Variants in CACNA2D1 observed in about 807,000 individuals in gnomAD.
CACNA2D1 encodes the protein voltage-dependent calcium channel subunit alpha-2/delta-1.
Under a neutral mutation model 171.5 loss-of-function variants are expected in CACNA2D1, and 53 were observed. That is an observed-to-expected ratio of 0.31 (90% confidence interval 0.25 to 0.39). The LOEUF is 0.39. Ranked by LOEUF, CACNA2D1 falls within the 10% of genes least tolerant of loss-of-function variation. The pLI is 1.00. For synonymous variants in CACNA2D1, 442 were observed against 443.1 expected, an observed-to-expected ratio of 1.00 and a Z score of 0.03; for missense variants, 903 against 1,299.8, an observed-to-expected ratio of 0.69 and a Z score of 4.69.
At chr7:82,174,328 C>T (rs570724081) in intron 3 of CACNA2D1, among the ~76,000 whole-genome samples, 52 of 151,842 alleles carry the variant, frequency 3.4e-4, no homozygotes, top group African/African-American at 7.5e-4. Flanking sequence ...GCTAATATTA[C>T]GATATTCAGC....
At chr7:82,390,119 T>C (rs1367092987) in intron 1 of CACNA2D1, among the ~76,000 whole-genome samples, 1 of 152,144 alleles carries the variant, frequency 6.6e-6, no homozygotes, top group African/African-American at 2.4e-5. Context: ...GTGTGGCTCA[T>C]TTGAATGACA....
intron 12 of CACNA2D1, among the ~76,000 whole-genome samples, chr7:82,022,891 C>G (rs1801411235): frequency 1.3e-5 from 2 of 151,628 alleles, no homozygotes; most frequent in Admixed American, 1.3e-4. Context: ...GCTTTTTTCT[C>G]ATTTGTTCTC....
chr7:82,082,378 C>G (rs1809907513), intron 7 of CACNA2D1, among the ~76,000 whole-genome samples: 1 of 152,096 alleles, frequency 6.6e-6, no homozygotes, highest in Non-Finnish European at 1.5e-5. Flanking sequence ...ATGTATGGGT[C>G]ATCCCTCTAC....
intron 1 of CACNA2D1, among the ~76,000 whole-genome samples, chr7:82,403,785 A>G (rs1264996497): frequency 1.3e-5 from 2 of 152,126 alleles, no homozygotes; most frequent in African/African-American, 2.4e-5. Flanking sequence ...GTCCTCCTCA[A>G]TCTCCTTCCA....
chr7:82,039,675 C>T (rs1443061477), intron 10 of CACNA2D1, among the ~76,000 whole-genome samples: 1 of 152,118 alleles, frequency 6.6e-6, no homozygotes, highest in African/African-American at 2.4e-5. Flanking sequence ...GGACTGCAAA[C>T]ATTTGAAAGA....
At chr7:82,269,090 G>A (rs984959270) in intron 3 of CACNA2D1, among the ~76,000 whole-genome samples, 11 of 145,592 alleles carry the variant, frequency 7.6e-5, no homozygotes, top group East Asian at 4.2e-4. Flanking sequence ...CTTCAGCGAC[G>A]CAACAAGACC....
At chr7:82,283,649 C>T (rs1447133532) in intron 3 of CACNA2D1, among the ~76,000 whole-genome samples, 4 of 150,198 alleles carry the variant, frequency 2.7e-5, no homozygotes, top group East Asian at 4.0e-4. Context: ...TATATACTAA[C>T]AATCACCATA....
intron 4 of CACNA2D1, among the ~76,000 whole-genome samples, chr7:82,140,970 G>GAAAAAAAAAAAAAAA (rs1007160020): frequency 1.1e-5 from 1 of 92,912 alleles, no homozygotes; most frequent in Non-Finnish European, 2.5e-5. Context: ...AAAAAAAAAA[G>GAAAAAAAAAAAAAAA]AAAAAAAAAT....
intron 3 of CACNA2D1, among the ~76,000 whole-genome samples, chr7:82,332,317 A>C (rs1585530123): frequency 6.6e-6 from 1 of 152,068 alleles, no homozygotes; most frequent in South Asian, 2.1e-4. Context: ...CGGCCTCCCA[A>C]AGTGCTGAGA....
chr7:81,969,874 T>C lies in CACNA2D1; in HGVS notation c.2308+7A>G. On this transcript the variant is annotated splice_region_variant and intron_variant, in intron 28 of 38. Coordinates refer to ENST00000356860, the MANE Select transcript of CACNA2D1 (RefSeq NM_000722.4). ...TGAGAAAAGCTGAATTCCAAAGCAA[T>C]ACTTACTGTTAAAGTAGGGAGCAGT... 6.8e-7 allele frequency: 1 copy of C among 1,476,978 alleles called. No homozygotes were observed. The highest frequency in any genetic ancestry group is 9.5e-7 in the Non-Finnish European group (1 of 1,056,312). The allele number at this position is 1,476,978 out of a possible 1,614,324, so 91.5% of individuals were successfully genotyped here.
intron 11 of CACNA2D1, 70 bp from the exon 12 acceptor site, chr7:82,032,971 GGAAC>G (rs1483465663): frequency 2.3e-6 from 2 of 869,080 alleles, no homozygotes; most frequent in African/African-American, 3.3e-5. Flanking sequence ...AAAGCTATAT[GGAAC>G]GAGCATGAGC....
At chr7:82,430,582 A>C (rs183683330) in intron 1 of CACNA2D1, among the ~76,000 whole-genome samples, 216 of 152,294 alleles carry the variant, frequency 1.4e-3, no homozygotes, top group Non-Finnish European at 2.1e-3. Flanking sequence ...ATTTTATTTC[A>C]GTGTTTGATT....
At chr7:82,256,618 A>G (rs1172074892) in intron 3 of CACNA2D1, among the ~76,000 whole-genome samples, 1 of 152,198 alleles carries the variant, frequency 6.6e-6, no homozygotes, top group Non-Finnish European at 1.5e-5. Context: ...ATGGTAATAC[A>G]GAATTATGAG....
chr7:82,381,773 G>C (rs1007369438), intron 1 of CACNA2D1, among the ~76,000 whole-genome samples: 5 of 151,952 alleles, frequency 3.3e-5, no homozygotes, highest in African/African-American at 9.7e-5. Flanking sequence ...TCTTACTTTG[G>C]CTGGTAGAAA....
At chr7:82,351,564 C>G (rs190081056) in intron 1 of CACNA2D1, among the ~76,000 whole-genome samples, 1 of 151,832 alleles carries the variant, frequency 6.6e-6, no homozygotes, top group Non-Finnish European at 1.5e-5. Flanking sequence ...TTGAACCACG[C>G]TGTATGAACA....
intron 3 of CACNA2D1, among the ~76,000 whole-genome samples, chr7:82,178,958 T>G (rs1243969027): frequency 6.6e-6 from 1 of 152,104 alleles, no homozygotes; most frequent in Non-Finnish European, 1.5e-5. Context: ...TCCAAGCATT[T>G]TCAAGGTTGT....
chr7:82,128,295 T>C (rs1009373443), intron 5 of CACNA2D1, among the ~76,000 whole-genome samples: 1 of 152,152 alleles, frequency 6.6e-6, no homozygotes, highest in Non-Finnish European at 1.5e-5. Flanking sequence ...AATTTTTATA[T>C]TATACAATCG....
rs1829963716 is a variant in CACNA2D1 at position 82,434,568 on chromosome 7, T to C, written c.95+8797A>G. Among the ~76,000 whole-genome samples the C allele has an allele frequency of 2.0e-5, 3 of 152,190 alleles. No individual in the cohort carries two copies. The South Asian group carries it at 6.2e-4, about 32-fold the overall frequency. On this transcript the variant is annotated intron_variant, in intron 1 of 38. Transcript: ENST00000356860. ...GGTCCCAGTGTGTGTTGATCCCCTC[T>C]ATGTGTCCACGTGTTCTCATTATGT... is the stretch of plus-strand genomic sequence containing the variant.
intron 3 of CACNA2D1, among the ~76,000 whole-genome samples, chr7:82,258,962 G>GGGGT (rs1806709120): frequency 1.3e-5 from 2 of 151,580 alleles, no homozygotes; most frequent in African/African-American, 4.8e-5. Context: ...CACAGTAGCT[G>GGGGT]GGGTTACAGG....
Sources: allele counts gnomAD v4.1 joint callset (sites outside exome capture counted in the v4.1 genomes callset), GRCh38; gene constraint gnomAD v4.1.1; transcripts MANE v1.5; gene names NCBI Gene and HGNC (gene_info 2026-07-23, HGNC 2026-07-21).